KCND3: variants seen among roughly 807,000 people sequenced by gnomAD.
KCND3 encodes the protein A-type voltage-gated potassium channel KCND3.
In KCND3, 9 loss-of-function variants were observed where a neutral mutation model predicts 51.1. The observed-to-expected ratio is 0.18, with a 90% CI of 0.11 to 0.31. KCND3 has a LOEUF of 0.31. Ranked by LOEUF, KCND3 falls within the 10% of genes least tolerant of loss-of-function variation. The pLI, the probability that KCND3 is intolerant of heterozygous loss-of-function variation, is 1.00. For synonymous variants in KCND3, 349 were observed against 368.0 expected, an observed-to-expected ratio of 0.95 and a Z score of 0.59; for missense variants, 526 against 903.8, an observed-to-expected ratio of 0.58 and a Z score of 5.36.
chr1:111,850,786 C>T (rs187971930), intron 2 of KCND3, among the ~76,000 whole-genome samples: 203 of 146,414 alleles, frequency 1.4e-3, no homozygotes, highest in African/African-American at 3.8e-3. Context: ...ACATTGTTGG[C>T]GGCAGAAAAA....
intron 2 of KCND3, among the ~76,000 whole-genome samples, chr1:111,859,435 T>C (rs891635382): frequency 2.0e-5 from 3 of 152,160 alleles, no homozygotes; most frequent in African/African-American, 7.2e-5. Flanking sequence ...AGTGTGGTAC[T>C]TTACTCTCTC....
chr1:111,950,569 C>A (rs944050193), intron 2 of KCND3, among the ~76,000 whole-genome samples: 8 of 152,142 alleles, frequency 5.3e-5, no homozygotes, highest in African/African-American at 1.7e-4. Flanking sequence ...CCTGCTGGAG[C>A]ACAGGAATGC....
intron 3 of KCND3, among the ~76,000 whole-genome samples, chr1:111,784,298 C>T (rs1247439424): frequency 6.6e-6 from 1 of 152,126 alleles, no homozygotes; most frequent in East Asian, 1.9e-4. Context: ...TGTGTTATTT[C>T]TTACAACTGC....
In KCND3 at chr1:111,785,885, C is replaced by A. The variant is rs2101490524; in HGVS notation, c.1269+1059G>T. ...TCTGGCTGCAATGCATAGGGCCGAC[C>A]ACATAGTACGTGCTCAGTAAATGTT... On this transcript the variant is annotated intron_variant, in intron 3 of 7. Coordinates refer to ENST00000302127, the MANE Select transcript of KCND3 (RefSeq NM_001378969.1). Among the ~76,000 whole-genome samples, 3 of 152,224 alleles carry A rather than the reference C, an allele frequency of 2.0e-5. No homozygotes were observed. In the South Asian group the frequency reaches 6.2e-4, roughly 32 times the overall value.
At chr1:111,884,951 C>T (rs1276507193) in intron 2 of KCND3, among the ~76,000 whole-genome samples, 6 of 152,144 alleles carry the variant, frequency 3.9e-5, no homozygotes, top group African/African-American at 1.4e-4. Context: ...TGTTCAGCAG[C>T]ACCCTGGCCT....
In KCND3 at chr1:111,982,757, G is replaced by A. The variant is rs1557769429; in HGVS notation, c.-31C>T. 1.3e-6 allele frequency: 2 copies of A among 1,583,602 alleles called. No individual in the cohort carries two copies. The highest frequency in any genetic ancestry group is 1.7e-6 in the Non-Finnish European group (2 of 1,171,938). ...CTCCAGCTCTTGGGCCGGCAGCCGC[G>A]CGGACGCTAGGCACACCAGCTTGGA... On this transcript the variant is annotated 5_prime_UTR_variant, in exon 2 of 8. Transcript: ENST00000302127. The surrounding 1 kb of genome is among the most constrained non-coding windows in gnomAD (Gnocchi z 8.5).
Position 111,989,522 on chromosome 1 carries a change from C to G in KCND3, c.-90G>C, listed in dbSNP as rs1303648999. Among the ~76,000 whole-genome samples the G allele has an allele frequency of 6.6e-6, 1 of 150,922 alleles. No individual in the cohort carries two copies. Among genetic ancestry groups the G allele is most frequent in the Non-Finnish European group, 1.5e-5 (1 of 67,668 alleles). ...CCTCTTACCTTCCGCGAAGCCAGCCCGGGCCCCGCGCCCGGCGCCCCGCGC... is the reference window on the plus strand; with the variant it reads ...CCTCTTACCTTCCGCGAAGCCAGCCGGGGCCCCGCGCCCGGCGCCCCGCGC... On this transcript the variant is annotated 5_prime_UTR_variant, in exon 1 of 8. Coordinates refer to ENST00000302127, the MANE Select transcript of KCND3 (RefSeq NM_001378969.1).
chr1:111,819,345 A>G (rs1666246170), intron 2 of KCND3, among the ~76,000 whole-genome samples: 1 of 152,098 alleles, frequency 6.6e-6, no homozygotes, highest in Admixed American at 6.5e-5. Context: ...AGAAAGGTAC[A>G]GCATCACTGG....
In KCND3 at chr1:111,787,180, C is replaced by G. The variant is rs949959985; in HGVS notation, c.1107-74G>C. On this transcript the variant is annotated intron_variant, in intron 2 of 7. Transcript: ENST00000302127. ...AAACAAGGCAGGCTTCCCTGCCAATCATTCACCTGTTTATTCATTCATTCA... is the reference window on the plus strand; with the variant it reads ...AAACAAGGCAGGCTTCCCTGCCAATGATTCACCTGTTTATTCATTCATTCA... 9 of 1,432,842 alleles carry G rather than the reference C, an allele frequency of 6.3e-6. No individual in the cohort carries two copies. In the African/African-American group the frequency reaches 1.1e-4, roughly 18 times the overall value. The allele number at this position is 1,432,842 out of a possible 1,614,324, so 88.8% of individuals were successfully genotyped here.
intron 2 of KCND3, among the ~76,000 whole-genome samples, chr1:111,943,723 C>G (rs1160041765): frequency 6.6e-6 from 1 of 152,240 alleles, no homozygotes; most frequent in Non-Finnish European, 1.5e-5. Context: ...GTTCACTGCA[C>G]TCAGATGATG....
intron 2 of KCND3, among the ~76,000 whole-genome samples, chr1:111,943,872 C>A (rs1672651987): frequency 6.6e-6 from 1 of 152,176 alleles, no homozygotes. Flanking sequence ...ATGGCCAGGA[C>A]CCAAATCCAG....
At chr1:111,918,050 T>C (rs367710083) in intron 2 of KCND3, among the ~76,000 whole-genome samples, 7 of 152,244 alleles carry the variant, frequency 4.6e-5, no homozygotes, top group Non-Finnish European at 1.0e-4. Flanking sequence ...ATGAGGCTCC[T>C]AGAAGACTAA....
chr1:111,820,550 G>A (rs922331703), intron 2 of KCND3, among the ~76,000 whole-genome samples: 3 of 152,178 alleles, frequency 2.0e-5, no homozygotes, highest in South Asian at 2.1e-4. Flanking sequence ...GGTTCTCAGA[G>A]GTTAAAAAGC....
chr1:111,964,619 A>C (rs1000430934), intron 2 of KCND3, among the ~76,000 whole-genome samples: 1 of 152,242 alleles, frequency 6.6e-6, no homozygotes, highest in Non-Finnish European at 1.5e-5. Flanking sequence ...AGGCAGCACT[A>C]ACTCAGAGGG....
intron 2 of KCND3, among the ~76,000 whole-genome samples, chr1:111,898,534 C>T (rs576278245): frequency 6.6e-6 from 1 of 152,330 alleles, no homozygotes; most frequent in African/African-American, 2.4e-5. Context: ...TCATTTGCCC[C>T]TTGGTCCCTG....
chr1:111,853,161 G>A (rs1467248553), intron 2 of KCND3, among the ~76,000 whole-genome samples: 2 of 152,234 alleles, frequency 1.3e-5, no homozygotes, highest in Non-Finnish European at 2.9e-5. Context: ...TGCAGACAGG[G>A]TGAGCCCATT....
intron 2 of KCND3, among the ~76,000 whole-genome samples, chr1:111,833,361 C>G (rs576133753): frequency 3.9e-5 from 6 of 152,258 alleles, no homozygotes; most frequent in African/African-American, 1.4e-4. Flanking sequence ...CTCGTTTTAT[C>G]GGTATCCAAT....
At chr1:111,962,101 A>G (rs1673692674) in intron 2 of KCND3, among the ~76,000 whole-genome samples, 1 of 152,216 alleles carries the variant, frequency 6.6e-6, no homozygotes, top group Non-Finnish European at 1.5e-5. Context: ...AAGACTGGGC[A>G]CGCACATGTG....
At chr1:111,815,169 C>T (rs1188602879) in intron 2 of KCND3, among the ~76,000 whole-genome samples, 1 of 152,024 alleles carries the variant, frequency 6.6e-6, no homozygotes, top group Non-Finnish European at 1.5e-5. Context: ...ATGGGGCATC[C>T]AGGCAAACTG....
Sources: gnomAD v4.1 joint callset for allele counts (sites outside exome capture counted in the v4.1 genomes callset) on GRCh38, gnomAD v4.1.1 for gene constraint, Gnocchi (gnomAD v3.1) non-coding constraint, MANE v1.5 for transcripts, NCBI Gene and HGNC (gene_info 2026-07-23, HGNC 2026-07-21) for gene names.